The following CSF1 variants were observed in gnomAD, a reference collection of about 807,000 sequenced individuals.
CSF1 encodes the protein macrophage colony-stimulating factor 1.
Under a neutral mutation model 48.9 loss-of-function variants are expected in CSF1, and 9 were observed. That is an observed-to-expected ratio of 0.18 (90% CI 0.11 to 0.32). The LOEUF (loss-of-function observed/expected upper bound fraction) is 0.32. Ranked by LOEUF, CSF1 falls within the 10% of genes least tolerant of loss-of-function variation. CSF1 has a pLI of 1.00. For synonymous variants in CSF1, 305 were observed against 284.1 expected, an observed-to-expected ratio of 1.07 and a Z score of -0.74; for missense variants, 672 against 697.9, an observed-to-expected ratio of 0.96 and a Z score of 0.42.
At position 109,917,460 on chromosome 1, in the gene CSF1, C is replaced by T; in HGVS notation, c.393C>T (p.Asp131=). 1 of 1,613,892 alleles carries T rather than the reference C, an allele frequency of 6.2e-7. No individual in the cohort carries two copies. Among genetic ancestry groups the T allele is most frequent in the Non-Finnish European group, 8.5e-7 (1 of 1,179,946 alleles). The change falls in exon 4 of 9, where the codon GAC becomes GAT. Residue 131 remains aspartate, a synonymous_variant. Coordinates refer to ENST00000329608, the MANE Select transcript of CSF1 (RefSeq NM_000757.6). The part of the protein sequence containing the change: ...SCFTKDYEEH[D]KACVRTFYET... The stretch of plus-strand genomic sequence containing the variant: ...TCACCAAGGATTATGAAGAGCATGA[C>T]AAGGTAGGAAGCCCTGAGGCCTGGA...
At chr1:109,919,126 C>T (rs12089727) in intron 4 of CSF1, among the ~76,000 whole-genome samples, 29,745 of 152,028 alleles carry the variant, frequency 0.2, 4,112 homozygotes, top group African/African-American at 0.39. Flanking sequence ...TCAGGGTGAA[C>T]AGAAAGAGAG....
At chr1:109,913,834 G>A (rs1036483744) in intron 1 of CSF1, among the ~76,000 whole-genome samples, 10 of 152,206 alleles carry the variant, frequency 6.6e-5, no homozygotes, top group African/African-American at 1.9e-4. Context: ...TCTGAAAGCC[G>A]GTGCATGAAC....
chr1:109,924,629 G>C, intron 6 of CSF1, 147 bp from the exon 7 acceptor site: 1 of 687,930 alleles, frequency 1.5e-6, no homozygotes, highest in Non-Finnish European at 2.6e-6. Flanking sequence ...AATCTCCCTT[G>C]GGCCTCTGGC....
chr1:109,911,570 C>G (rs537192277), intron 1 of CSF1, among the ~76,000 whole-genome samples: 1 of 151,038 alleles, frequency 6.6e-6, no homozygotes, highest in Non-Finnish European at 1.5e-5. Context: ...GGCAGAGGGA[C>G]GGAGAGGGGC....
chr1:109,921,767 G>C (rs1056091964), intron 4 of CSF1, 80 bp from the exon 5 acceptor site: 3 of 1,455,212 alleles, frequency 2.1e-6, no homozygotes, highest in African/African-American at 2.9e-5. Context: ...TGTGAGAAAG[G>C]CCAAGGGAAT....
rs1314370762 is a variant in CSF1, at chr1:109,923,598, C to A, written c.977C>A (p.Ser326Tyr). 1 of 1,614,190 alleles carries A rather than the reference C, an allele frequency of 6.2e-7. No individual in the cohort carries two copies. Among genetic ancestry groups the A allele is most frequent in the South Asian group, 1.1e-5 (1 of 91,086 alleles). ...PVPQGTELSP[S>Y]RPGGGSMQTE... ...CCCCAAGGGACAGAGCTTTCCCCCT[C>A]CAGGCCAGGAGGGGGCAGCATGCAG... Residue 326 changes from serine to tyrosine, a missense_variant, in exon 6 of 9, where the codon TCC becomes TAC. Coordinates refer to ENST00000329608, the MANE Select transcript of CSF1 (RefSeq NM_000757.6).
chr1:109,917,551 G>T (rs143426194), intron 4 of CSF1, 88 bp downstream of exon 4: 4 of 1,303,396 alleles, frequency 3.1e-6, no homozygotes, highest in African/African-American at 1.5e-5. Flanking sequence ...GAGTACATTC[G>T]CTCACCTCGC....
intron 1 of CSF1, among the ~76,000 whole-genome samples, chr1:109,913,454 G>T (rs1273222473): frequency 1.3e-5 from 2 of 152,220 alleles, no homozygotes; most frequent in African/African-American, 4.8e-5. Flanking sequence ...GGGAAAGACA[G>T]GGCATCAGGA....
Position 109,918,847 on chromosome 1 carries a change from G to A in CSF1, c.396+1384G>A, listed in dbSNP as rs185885430. Among the ~76,000 whole-genome samples the A allele has an allele frequency of 3.0e-3, 463 of 152,052 alleles. 2 individuals carry two copies. The highest frequency in any genetic ancestry group is 9.4e-3 in the African/African-American group (389 of 41,446). ...CAGATCTATGAGGCATGGGGGTTCG[G>A]CTTATCTGTGAAGCCATGGGACTGG... On this transcript the variant is annotated intron_variant, in intron 4 of 8. Transcript: ENST00000329608.
chr1:109,923,236 C>T lies in CSF1; in HGVS notation c.615C>T (p.Val205=), dbSNP rs752363763. The T allele has an allele frequency of 6.3e-7, 1 of 1,577,278 alleles. No homozygotes were observed. The highest frequency in any genetic ancestry group is 2.2e-5 in the East Asian group (1 of 44,630). Residue 205 remains valine, a synonymous_variant, in exon 6 of 9, where the codon GTC becomes GTT. Coordinates refer to ENST00000329608, the MANE Select transcript of CSF1 (RefSeq NM_000757.6). ...TCCCTAGCAGTGACCCGGCCTCTGTCTCCCCTCATCAGCCCCTCGCCCCCT... is the reference window on the plus strand; with the variant it reads ...TCCCTAGCAGTGACCCGGCCTCTGTTTCCCCTCATCAGCCCCTCGCCCCCT... ...KAIPSSDPAS[V]SPHQPLAPSM...
intron 1 of CSF1, 77 bp from the exon 2 acceptor site, chr1:109,914,182 T>A: frequency 6.9e-7 from 1 of 1,458,394 alleles, no homozygotes; most frequent in Non-Finnish European, 9.1e-7. Flanking sequence ...AGGCCTTTGT[T>A]TTTCTGCGTT....
At chr1:109,912,500 C>T (rs1173872088) in intron 1 of CSF1, among the ~76,000 whole-genome samples, 1 of 152,156 alleles carries the variant, frequency 6.6e-6, no homozygotes, top group Non-Finnish European at 1.5e-5. Flanking sequence ...CCAGATCCTC[C>T]TGAGGCAGAA....
At chr1:109,915,025 C>G (rs1654835923) in intron 2 of CSF1, among the ~76,000 whole-genome samples, 1 of 152,032 alleles carries the variant, frequency 6.6e-6, no homozygotes, top group African/African-American at 2.4e-5. Context: ...TACCATTCCT[C>G]TGGCCAGCCA....
intron 2 of CSF1, among the ~76,000 whole-genome samples, chr1:109,914,758 T>C (rs2101641428): frequency 6.6e-6 from 1 of 152,370 alleles, no homozygotes; most frequent in South Asian, 2.1e-4. Flanking sequence ...TGTCCAGATG[T>C]TGCATCTAGC....
intron 8 of CSF1, among the ~76,000 whole-genome samples, chr1:109,927,957 A>G (rs1647910892): frequency 6.6e-6 from 1 of 152,172 alleles, no homozygotes; most frequent in Admixed American, 6.5e-5. Flanking sequence ...AGCATGGCTC[A>G]TGTCCAGTTT....
chr1:109,922,419 G>A (rs1432862696), intron 5 of CSF1: 3 of 162,174 alleles, frequency 1.8e-5, no homozygotes, highest in East Asian at 3.6e-4. Flanking sequence ...GCTCTGCTGC[G>A]AATCACCATG....
At chr1:109,912,987 T>C (rs908478531) in intron 1 of CSF1, among the ~76,000 whole-genome samples, 12 of 152,284 alleles carry the variant, frequency 7.9e-5, no homozygotes, top group African/African-American at 2.9e-4. Context: ...ACCCCTCTCC[T>C]GCCATCACCT....
intron 7 of CSF1, 98 bp from the exon 8 acceptor site, chr1:109,925,049 G>A: frequency 8.5e-7 from 1 of 1,181,330 alleles, no homozygotes; most frequent in Non-Finnish European, 1.3e-6. Flanking sequence ...ATCTGAGAGG[G>A]CCTAGAGCAT....
At position 109,923,444 on chromosome 1, in the gene CSF1, G is replaced by A. The variant is rs769263389; in HGVS notation, c.823G>A (p.Gly275Ser). The change falls in exon 6 of 9, where the codon GGT becomes AGT. Residue 275 changes from glycine (G) to serine (S), a missense_variant. By Grantham distance (56) the Gly-to-Ser change is moderately conservative. Coordinates refer to ENST00000329608, the MANE Select transcript of CSF1 (RefSeq NM_000757.6). ...ETPVVKDSTIGGSPQPRPSVG... is the reference protein window; with the variant it reads ...ETPVVKDSTISGSPQPRPSVG... ...CCCAGTTGTCAAGGACAGCACCATC[G>A]GTGGCTCACCACAGCCTCGCCCCTC... The A allele has an allele frequency of 1.1e-5, 18 of 1,613,938 alleles. No homozygotes were observed. The highest frequency in any genetic ancestry group is 5.5e-5 in the South Asian group (5 of 91,080).
Sources: allele counts gnomAD v4.1 joint callset (sites outside exome capture counted in the v4.1 genomes callset), GRCh38; gene constraint gnomAD v4.1.1; transcripts MANE v1.5; gene names NCBI Gene and HGNC (gene_info 2026-07-23, HGNC 2026-07-21).